Variants in MDN1 observed in about 807,000 individuals in gnomAD.
MDN1 encodes midasin AAA ATPase 1.
A neutral mutation model predicts 669.2 loss-of-function variants in MDN1; 266 were observed. The observed-to-expected ratio is 0.40, with a 90% CI of 0.36 to 0.44. MDN1 has a LOEUF of 0.44. MDN1 is among the 20% of genes least tolerant of loss of function. The pLI, the probability that MDN1 is intolerant of heterozygous loss-of-function variation, is 1.00. For missense variants in MDN1, 5,940 were observed against 6,754.0 expected (o/e 0.88, Z 4.22); for synonymous variants, 2,385 against 2,457.1 (o/e 0.97, Z 0.87).
chr6:89,775,663 T>A (rs1392387968), intron 12 of MDN1, among the ~76,000 whole-genome samples: 1 of 152,154 alleles, frequency 6.6e-6, no homozygotes, highest in Non-Finnish European at 1.5e-5. Context: ...GCTACTACTC[T>A]TTGCAACTTT....
intron 31 of MDN1, among the ~76,000 whole-genome samples, 165 bp downstream of exon 31, chr6:89,742,985 A>G (rs1427292973): frequency 6.6e-6 from 1 of 152,130 alleles, no homozygotes; most frequent in African/African-American, 2.4e-5. Flanking sequence ...ATCTATAAAA[A>G]TCACATCAAT....
intron 83 of MDN1, among the ~76,000 whole-genome samples, chr6:89,669,898 G>C (rs1164017686): frequency 2.9e-4 from 44 of 151,512 alleles, no homozygotes; most frequent in Admixed American, 2.9e-3. Context: ...ATGAACAAAT[G>C]ACTTCCCTGC....
intron 33 of MDN1, among the ~76,000 whole-genome samples, chr6:89,734,705 G>GAGAGAGAGA (rs1554188783): frequency 3.3e-5 from 5 of 149,284 alleles, no homozygotes; most frequent in Admixed American, 6.7e-5. Context: ...GAGAGAGAGA[G>GAGAGAGAGA]AGAGAGAGAG....
At position 89,676,125 on chromosome 6, in the gene MDN1, C is replaced by CTA; in HGVS notation, c.12621_12622insTA (p.Ala4208Ter). 1 of 1,614,168 alleles carries CTA rather than the reference C, an allele frequency of 6.2e-7. No individual in the cohort carries two copies. Among genetic ancestry groups the CTA allele is most frequent in the South Asian group, 1.1e-5 (1 of 91,086 alleles). ...ACCTTGGCAGGAGTTGCTAGTGCTG[C>CTA]GTTAAGCCTGGCATGCCGTGCAAGA... On this transcript the variant is annotated frameshift_variant, in exon 77 of 102. Coordinates refer to ENST00000369393, the MANE Select transcript of MDN1 (RefSeq NM_014611.3). LOFTEE classifies it high-confidence loss of function.
chr6:89,810,465 T>TA (rs1412679805), intron 1 of MDN1, among the ~76,000 whole-genome samples: 1 of 151,564 alleles, frequency 6.6e-6, no homozygotes, highest in East Asian at 1.9e-4. Flanking sequence ...AAAAACAAAT[T>TA]AAAAAAACAG....
rs35077997 is a variant in MDN1, at chr6:89,786,924, C to CA, written c.1334+929dup. Among the ~76,000 whole-genome samples, 233 of 76,492 alleles carry CA rather than the reference C, an allele frequency of 3.0e-3. 1 individual carries two copies. Among genetic ancestry groups the CA allele is most frequent in the South Asian group, 7.4e-3 (16 of 2,160 alleles). The allele number at this position is 76,492 out of a possible 152,430, so 50.2% of individuals were successfully genotyped here. A position where few individuals can be genotyped will look rare whatever the true frequency, so the allele number is the denominator to read the frequency against. On this transcript the variant is annotated intron_variant, in intron 8 of 101. Transcript: ENST00000369393. ...TGGGTGACAGAATGAGACTCCATCT[C>CA]AAAAAAAAAAAAAAAAAAAAAAAGT...
rs1044625032 is a variant in MDN1, at chr6:89,712,661, A to G, written c.7344T>C (p.Asp2448=). The G allele has an allele frequency of 1.2e-6, 2 of 1,614,166 alleles. No individual in the cohort carries two copies. The highest frequency in any genetic ancestry group is 1.1e-5 in the South Asian group (1 of 91,086). The part of the protein sequence containing the change: ...SVPSALFATE[D]SHLSTVRRDG... ...CTCTTCGGACTGTAGACAGGTGTGA[A>G]TCTTCAGTAGCAAAGAGAGCTGAGG... The change falls in exon 48 of 102, where the codon GAT becomes GAC. Residue 2448 remains aspartate (D), a synonymous_variant. Coordinates refer to ENST00000369393, the MANE Select transcript of MDN1 (RefSeq NM_014611.3).
chr6:89,690,937 T>C, intron 63 of MDN1, 103 bp from the exon 64 acceptor site: 1 of 1,341,546 alleles, frequency 7.5e-7, no homozygotes, highest in Non-Finnish European at 1.0e-6. Context: ...GTATCATGAC[T>C]CAAAAACAAA....
intron 74 of MDN1, among the ~76,000 whole-genome samples, chr6:89,679,914 C>A (rs1811479172): frequency 6.6e-6 from 1 of 152,196 alleles, no homozygotes; most frequent in South Asian, 2.1e-4. Context: ...CACCCCCACC[C>A]CTAGGCCTGA....
chr6:89,707,286 A>C, intron 52 of MDN1, 75 bp downstream of exon 52: 1 of 1,043,546 alleles, frequency 9.6e-7, no homozygotes. Flanking sequence ...GCAGCTGCTG[A>C]ATATGCCTCT....
chr6:89,718,092 A>G (rs1455014724), intron 43 of MDN1, among the ~76,000 whole-genome samples: 1 of 152,234 alleles, frequency 6.6e-6, no homozygotes, highest in East Asian at 1.9e-4. Flanking sequence ...AGTAATAATA[A>G]AAGTTTTACA....
At position 89,694,157 on chromosome 6, in the gene MDN1, C is replaced by T. The variant is rs1459016812; in HGVS notation, c.9798G>A (p.Lys3266=). 1 of 1,614,170 alleles carries T rather than the reference C, an allele frequency of 6.2e-7. No homozygotes were observed. The highest frequency in any genetic ancestry group is 1.1e-5 in the South Asian group (1 of 91,080). Residue 3266 remains lysine (K), a synonymous_variant, in exon 62 of 102, where the codon AAG becomes AAA. Coordinates refer to ENST00000369393, the MANE Select transcript of MDN1 (RefSeq NM_014611.3). Reference sequence around the variant, plus strand: ...GCAGCTGGGATGACAGGTTCCGGGTCTTCCATTCACACTGCAGTTGGTGTA... The same window carrying T: ...GCAGCTGGGATGACAGGTTCCGGGTTTTCCATTCACACTGCAGTTGGTGTA... ...EELHQLQCEW[K]TRNLSSQLQT...
At chr6:89,788,048 C>T (rs1399869599) in intron 7 of MDN1, 91 bp from the exon 8 acceptor site, 1 of 1,129,534 alleles carries the variant, frequency 8.9e-7, no homozygotes, top group African/African-American at 1.6e-5. Context: ...AAATGACAGA[C>T]ACACCCTTAA....
intron 38 of MDN1, among the ~76,000 whole-genome samples, chr6:89,724,855 T>G (rs1489547063): frequency 1.3e-5 from 2 of 152,242 alleles, no homozygotes; most frequent in African/African-American, 4.8e-5. Context: ...TAAAATGCAT[T>G]ATTTTCAATA....
At chr6:89,786,402 G>A (rs1303862923) in intron 8 of MDN1, among the ~76,000 whole-genome samples, 1 of 152,016 alleles carries the variant, frequency 6.6e-6, no homozygotes, top group African/African-American at 2.4e-5. Context: ...ACCAACCTGG[G>A]CAATGCAGCA....
intron 73 of MDN1, among the ~76,000 whole-genome samples, chr6:89,682,054 T>G (rs1811645059): frequency 6.6e-6 from 1 of 152,336 alleles, no homozygotes; most frequent in South Asian, 2.1e-4. Flanking sequence ...TAACTCAAGA[T>G]GTATCACTGT....
At chr6:89,799,952 G>A (rs1035355850) in intron 2 of MDN1, among the ~76,000 whole-genome samples, 11 of 152,100 alleles carry the variant, frequency 7.2e-5, no homozygotes, top group African/African-American at 2.7e-4. Context: ...CAATGGGAAA[G>A]TCCCTAAGGA....
At chr6:89,663,073 TTATTGCCTTTTTC>T in intron 85 of MDN1, 106 bp from the exon 86 acceptor site, 1 of 1,256,996 alleles carries the variant, frequency 8.0e-7, no homozygotes, top group Admixed American at 1.9e-5. Flanking sequence ...CACCTGAGAT[TTATTGCCTTTTTC>T]TACAGAACAC....
chr6:89,788,306 T>C (rs1224850875), intron 7 of MDN1, among the ~76,000 whole-genome samples: 1 of 152,158 alleles, frequency 6.6e-6, no homozygotes, highest in Non-Finnish European at 1.5e-5. Context: ...AAGTCATATA[T>C]AAAGATACAG....
Sources: allele counts gnomAD v4.1 joint callset (sites outside exome capture counted in the v4.1 genomes callset), GRCh38; gene constraint gnomAD v4.1.1; transcripts MANE v1.5; gene names NCBI Gene and HGNC (gene_info 2026-07-23, HGNC 2026-07-21).